CNTN1: variants seen among roughly 807,000 people sequenced by gnomAD.
CNTN1 encodes the protein contactin-1.
In CNTN1, 38 loss-of-function variants were observed where a neutral mutation model predicts 126.4. The observed-to-expected ratio is 0.30, with a 90% CI of 0.23 to 0.39. CNTN1 has a LOEUF of 0.39. Ranked by LOEUF, CNTN1 falls within the 10% of genes least tolerant of loss-of-function variation. CNTN1 has a pLI of 1.00. For missense variants in CNTN1, 1,009 were observed against 1,248.4 expected (o/e 0.81, Z 2.89); for synonymous variants, 413 against 422.6 (o/e 0.98, Z 0.28).
rs145541852 is a variant in CNTN1 at position 40,932,310 on chromosome 12, G to A, written c.704-1151G>A. 1.5e-3 allele frequency among the ~76,000 whole-genome samples: 221 copies of A among 152,016 alleles called. 2 individuals are homozygous for A. The highest frequency in any genetic ancestry group is 2.8e-3 in the Non-Finnish European group (188 of 67,912). Reference sequence around the variant, plus strand: ...CATGAGATCTGATGGTTGTATAAAGGGGAGTTCCCCTGCACATGCTGTCTC... The same window carrying A: ...CATGAGATCTGATGGTTGTATAAAGAGGAGTTCCCCTGCACATGCTGTCTC... On this transcript the variant is annotated intron_variant, in intron 7 of 23. Coordinates refer to ENST00000551295, the MANE Select transcript of CNTN1 (RefSeq NM_001843.4).
chr12:40,850,308 T>C (rs1565829267), intron 1 of CNTN1, among the ~76,000 whole-genome samples: 1 of 152,180 alleles, frequency 6.6e-6, no homozygotes, highest in Non-Finnish European at 1.5e-5. Context: ...GAAGTTTCTA[T>C]AGACTAGGCC....
At chr12:40,930,125 G>T (rs1183378140) in intron 7 of CNTN1, 123 bp downstream of exon 7, 2 of 837,518 alleles carry the variant, frequency 2.4e-6, no homozygotes, top group Non-Finnish European at 2.0e-6. Context: ...ATATAAAAGG[G>T]GATGCATGTT....
chr12:40,851,457 G>A (rs912631448), intron 1 of CNTN1, among the ~76,000 whole-genome samples: 1 of 152,196 alleles, frequency 6.6e-6, no homozygotes, highest in Non-Finnish European at 1.5e-5. Context: ...CAAAAAGGAA[G>A]TCTTATCCAT....
At chr12:40,813,020 C>CTTTT (rs1446927313) in intron 1 of CNTN1, among the ~76,000 whole-genome samples, 1 of 77,138 alleles carries the variant, frequency 1.3e-5, no homozygotes, top group African/African-American at 4.1e-5. Flanking sequence ...TCCATCCTTT[C>CTTTT]TTTCTTTCTC....
chr12:40,812,890 TTTGCA>T (rs1941116880), intron 1 of CNTN1, among the ~76,000 whole-genome samples: 2 of 152,004 alleles, frequency 1.3e-5, no homozygotes, highest in Non-Finnish European at 1.5e-5. Context: ...ATTTAATCCA[TTTGCA>T]TTCAAGGTAA....
intron 1 of CNTN1, among the ~76,000 whole-genome samples, chr12:40,813,646 A>C: frequency 6.6e-6 from 1 of 152,222 alleles, no homozygotes; most frequent in East Asian, 1.9e-4. Flanking sequence ...ATAGTGCTGC[A>C]ATAAACATAC....
At position 40,981,026 on chromosome 12, in the gene CNTN1, C is replaced by A. The variant is rs1364564341; in HGVS notation, c.1922C>A (p.Thr641Asn). ...CCTATTTCTAAATACACTATCCAGA[C>A]CAAGACTATTCTTTCAGATGACTGG... ...HSPISKYTIQ[T>N]KTILSDDWKD... Residue 641 changes from threonine (T) to asparagine (N), a missense_variant, in exon 16 of 24, where the codon ACC (threonine) becomes AAC (asparagine). Transcript: ENST00000551295. 6.2e-7 allele frequency: 1 copy of A among 1,613,434 alleles called. No homozygotes were observed. The highest frequency in any genetic ancestry group is 8.5e-7 in the Non-Finnish European group (1 of 1,179,714).
intron 15 of CNTN1, among the ~76,000 whole-genome samples, chr12:40,976,420 A>G (rs1947673679): frequency 6.6e-6 from 1 of 152,140 alleles, no homozygotes; most frequent in South Asian, 2.1e-4. Flanking sequence ...AGCCTAAGAA[A>G]CTGGAAGGAG....
intron 1 of CNTN1, among the ~76,000 whole-genome samples, chr12:40,777,040 A>G (rs1282647202): frequency 6.6e-6 from 1 of 151,440 alleles, no homozygotes; most frequent in African/African-American, 2.4e-5. Context: ...GGCATCCCAA[A>G]CCCTAACTCT....
At chr12:41,002,554 C>CTTTTTTTTTTTTTTTTTTTTTTTTTTTTT (rs200237008) in intron 17 of CNTN1, among the ~76,000 whole-genome samples, 1 of 131,514 alleles carries the variant, frequency 7.6e-6, no homozygotes, top group Admixed American at 7.7e-5. Flanking sequence ...TATAGGGTTT[C>CTTTTTTTTTTTTTTTTTTTTTTTTTTTTT]TTTCTTTTTT....
intron 1 of CNTN1, among the ~76,000 whole-genome samples, chr12:40,863,755 C>T (rs1041885513): frequency 1.2e-5 from 1 of 81,384 alleles, no homozygotes; most frequent in African/African-American, 7.5e-5. Flanking sequence ...GAATCTAATG[C>T]CTGATGATCT....
At chr12:40,755,814 G>T (rs1318108106) in intron 1 of CNTN1, among the ~76,000 whole-genome samples, 1 of 151,968 alleles carries the variant, frequency 6.6e-6, no homozygotes, top group African/African-American at 2.4e-5. Flanking sequence ...ATACAGTCTT[G>T]TAGACCCTTA....
At chr12:41,010,423 C>T (rs1948617023) in intron 17 of CNTN1, among the ~76,000 whole-genome samples, 1 of 152,154 alleles carries the variant, frequency 6.6e-6, no homozygotes, top group Admixed American at 6.5e-5. Flanking sequence ...CTCAGGGATC[C>T]TGGGCTTTGT....
chr12:40,969,747 C>A (rs1302431969), intron 15 of CNTN1, among the ~76,000 whole-genome samples: 1 of 152,176 alleles, frequency 6.6e-6, no homozygotes, highest in African/African-American at 2.4e-5. Context: ...AGAGCCAACA[C>A]CTTCACCTAA....
At chr12:40,709,761 G>A (rs1236854064) in intron 1 of CNTN1, among the ~76,000 whole-genome samples, 1 of 152,128 alleles carries the variant, frequency 6.6e-6, no homozygotes, top group Admixed American at 6.5e-5. Context: ...ACCTCTGCTA[G>A]CTTCCAGCTC....
chr12:40,692,995 C>G (rs959955342), intron 1 of CNTN1, among the ~76,000 whole-genome samples: 5 of 152,160 alleles, frequency 3.3e-5, no homozygotes, highest in Non-Finnish European at 5.9e-5. Flanking sequence ...CTTTTTCTCC[C>G]GACGCCGGCC....
intron 1 of CNTN1, among the ~76,000 whole-genome samples, chr12:40,903,816 T>A (rs1459757287): frequency 6.6e-6 from 1 of 151,974 alleles, no homozygotes; most frequent in Non-Finnish European, 1.5e-5. Context: ...ATAATGAAAA[T>A]AACTTTTCAT....
At chr12:40,949,984 A>G (rs10784963) in intron 14 of CNTN1, among the ~76,000 whole-genome samples, 17,822 of 152,022 alleles carry the variant, frequency 0.12, 1,093 homozygotes, top group Non-Finnish European at 0.12. Flanking sequence ...GCCGAAAAAA[A>G]TTAGAGCAGG....
At chr12:41,020,874 G>A (rs542970308) in intron 20 of CNTN1, among the ~76,000 whole-genome samples, 10 of 152,016 alleles carry the variant, frequency 6.6e-5, no homozygotes, top group Admixed American at 2.0e-4. Context: ...TAAATATACC[G>A]AATATGTCTT....
Sources: gnomAD v4.1 joint callset for allele counts (sites outside exome capture counted in the v4.1 genomes callset) on GRCh38, gnomAD v4.1.1 for gene constraint, MANE v1.5 for transcripts, NCBI Gene and HGNC (gene_info 2026-07-23, HGNC 2026-07-21) for gene names.